The following ERC1 variants were observed in gnomAD, a reference collection of about 807,000 sequenced individuals.
ERC1 encodes ELKS/RAB6-interacting/CAST family member 1, also known as RAB6 interacting protein 2.
ERC1 carries 56 observed loss-of-function variants against 132.0 expected under a neutral mutation model. The observed-to-expected ratio is 0.42, with a 90% CI of 0.34 to 0.53. The LOEUF is 0.53. Ranked by LOEUF, ERC1 falls within the 20% of genes least tolerant of loss-of-function variation. The pLI, the probability that ERC1 is intolerant of heterozygous loss-of-function variation, is 0.03. For missense variants in ERC1, 1,202 were observed against 1,349.9 expected (o/e 0.89, Z 1.72); for synonymous variants, 478 against 476.1 (o/e 1.00, Z -0.05).
intron 14 of ERC1, among the ~76,000 whole-genome samples, chr12:1,267,834 A>C (rs891564642): frequency 3.2e-4 from 48 of 152,340 alleles, no homozygotes; most frequent in African/African-American, 1.1e-3. Context: ...CATTTTTAAC[A>C]GTGATATTCA....
At chr12:1,439,672 A>T (rs1190165910) in intron 17 of ERC1, among the ~76,000 whole-genome samples, 2 of 152,138 alleles carry the variant, frequency 1.3e-5, no homozygotes, top group Non-Finnish European at 2.9e-5. Context: ...AGTTCATTAT[A>T]GCTGTACAAC....
chr12:1,290,829 G>C (rs938228807), intron 15 of ERC1, among the ~76,000 whole-genome samples: 2 of 152,118 alleles, frequency 1.3e-5, no homozygotes, highest in Non-Finnish European at 2.9e-5. Flanking sequence ...CTGTCTCAGA[G>C]AATAGGTTTT....
At chr12:1,105,024 G>A (rs1945096795) in intron 4 of ERC1, among the ~76,000 whole-genome samples, 200 bp downstream of exon 4, 1 of 152,212 alleles carries the variant, frequency 6.6e-6, no homozygotes, top group South Asian at 2.1e-4. Context: ...ATTCAAATTG[G>A]ACCAAAAAGA....
chr12:1,447,440 C>T (rs1453799785), intron 18 of ERC1, among the ~76,000 whole-genome samples: 4 of 151,258 alleles, frequency 2.6e-5, no homozygotes, highest in Non-Finnish European at 5.9e-5. Flanking sequence ...GGCTTGATCC[C>T]GGGCAGTCGT....
intron 12 of ERC1, among the ~76,000 whole-genome samples, chr12:1,224,364 A>G (rs754053083): frequency 3.9e-5 from 6 of 152,222 alleles, no homozygotes; most frequent in Non-Finnish European, 7.3e-5. Flanking sequence ...GTTGCCTATC[A>G]TAGATAAAAC....
At chr12:1,139,337 T>C (rs1309337322) in intron 7 of ERC1, among the ~76,000 whole-genome samples, 1 of 152,164 alleles carries the variant, frequency 6.6e-6, no homozygotes, top group Non-Finnish European at 1.5e-5. Flanking sequence ...ACTGTTGCAG[T>C]GTCAGTGCTT....
At chr12:1,269,970 T>G (rs2077718883) in intron 14 of ERC1, among the ~76,000 whole-genome samples, 1 of 152,222 alleles carries the variant, frequency 6.6e-6, no homozygotes, top group Admixed American at 6.5e-5. Flanking sequence ...TCCGTCAGGT[T>G]GTTTTCAACA....
At chr12:1,238,135 G>A (rs2154304035) in intron 13 of ERC1, among the ~76,000 whole-genome samples, 1 of 148,000 alleles carries the variant, frequency 6.8e-6, no homozygotes, top group East Asian at 2.0e-4. Flanking sequence ...AATATTGGCA[G>A]TTTTCTCATC....
intron 1 of ERC1, among the ~76,000 whole-genome samples, chr12:999,079 C>T (rs980891866): frequency 2.6e-5 from 4 of 151,908 alleles, no homozygotes; most frequent in African/African-American, 9.7e-5. Flanking sequence ...AGGCTGGTCT[C>T]GAACTCCTGG....
At chr12:1,118,263 C>T (rs1946673843) in intron 7 of ERC1, among the ~76,000 whole-genome samples, 1 of 152,140 alleles carries the variant, frequency 6.6e-6, no homozygotes, top group African/African-American at 2.4e-5. Flanking sequence ...ACCAGAGAAC[C>T]AAGCAGTTGG....
chr12:1,405,378 C>T (rs2091409784), intron 16 of ERC1, among the ~76,000 whole-genome samples: 1 of 151,284 alleles, frequency 6.6e-6, no homozygotes. Context: ...TGTAAAGAAC[C>T]TAAATCTTCA....
chr12:1,479,126 T>C (rs923945100), intron 18 of ERC1, among the ~76,000 whole-genome samples: 3 of 152,032 alleles, frequency 2.0e-5, no homozygotes, highest in African/African-American at 7.3e-5. Context: ...GTGTTCTCTT[T>C]TCGTCCCATT....
chr12:1,072,100 C>CAAA (rs11438076), intron 2 of ERC1, among the ~76,000 whole-genome samples: 2 of 136,054 alleles, frequency 1.5e-5, no homozygotes, highest in African/African-American at 2.7e-5. Flanking sequence ...GACTCTGTCT[C>CAAA]AAAAAAAAAA....
intron 2 of ERC1, among the ~76,000 whole-genome samples, chr12:1,075,685 C>G (rs1158501718): frequency 6.6e-6 from 1 of 151,156 alleles, no homozygotes; most frequent in East Asian, 1.9e-4. Flanking sequence ...AAGTGCACTC[C>G]ATTGCACTCC....
chr12:1,345,330 A>G (rs58639324), intron 15 of ERC1, among the ~76,000 whole-genome samples: 67,121 of 151,448 alleles, frequency 0.44, 15,568 homozygotes, highest in African/African-American at 0.56. Context: ...ACAGGTGCCC[A>G]CCACCACACC....
At chr12:1,135,623 C>T (rs939764069) in intron 7 of ERC1, among the ~76,000 whole-genome samples, 6 of 152,000 alleles carry the variant, frequency 3.9e-5, no homozygotes, top group Non-Finnish European at 8.8e-5. Flanking sequence ...GACTGGAGTC[C>T]TTATAGAAGA....
intron 2 of ERC1, among the ~76,000 whole-genome samples, chr12:1,048,443 T>C (rs1338224885): frequency 1.3e-5 from 2 of 152,162 alleles, no homozygotes; most frequent in Non-Finnish European, 2.9e-5. Context: ...GAATACCATG[T>C]GTTCCCCATT....
chr12:1,204,480 T>G, intron 12 of ERC1: 1 of 1,581,980 alleles, frequency 6.3e-7, no homozygotes, highest in Non-Finnish European at 8.6e-7. Context: ...ATTTTCTTCC[T>G]GGATTTCCTG....
At chr12:1,276,273 G>C (rs564905394) in intron 14 of ERC1, among the ~76,000 whole-genome samples, 5 of 144,400 alleles carry the variant, frequency 3.5e-5, no homozygotes, top group East Asian at 4.1e-4. Context: ...GTCTCTCTCT[G>C]TTGCCCAGGC....
Sources: allele counts gnomAD v4.1 joint callset (sites outside exome capture counted in the v4.1 genomes callset), GRCh38; gene constraint gnomAD v4.1.1; transcripts MANE v1.5; gene names NCBI Gene and HGNC (gene_info 2026-07-23, HGNC 2026-07-21).